The following TSPAN15 variants were observed in gnomAD, a reference collection of about 807,000 sequenced individuals.
The protein encoded by TSPAN15 is tetraspanin 15.
In TSPAN15, 20 loss-of-function variants were observed where a neutral mutation model predicts 34.5. The observed-to-expected ratio is 0.58, with a 90% confidence interval of 0.41 to 0.84. The LOEUF (loss-of-function observed/expected upper bound fraction) is 0.84. Among genes scored for constraint, TSPAN15 ranks in the 40% least tolerant of loss-of-function variants. The pLI, the probability that TSPAN15 is intolerant of heterozygous loss-of-function variation, is 0.00. For synonymous variants in TSPAN15, 155 were observed against 153.9 expected (o/e 1.01, Z -0.05); for missense variants, 313 against 386.1 (o/e 0.81, Z 1.59).
chr10:69,498,322 A>C lies in TSPAN15; in HGVS notation c.496A>C (p.Asn166His), dbSNP rs750163470. Residue 166 changes from asparagine to histidine, a missense_variant, in exon 5 of 8, where the codon AAT (asparagine) becomes CAT (histidine). By Grantham distance (68) the Asn-to-His change is moderately conservative (BLOSUM62 1). Transcript: ENST00000373290. Reference protein sequence around the residue: ...GGEDYRDWSKNQYHDCSAPGP... With the variant: ...GGEDYRDWSKHQYHDCSAPGP... ...GGAGGACTACCGAGATTGGAGCAAG[A>C]ATCAGTACCACGACTGCAGTGCCCC... The C allele has an allele frequency of 3.7e-6, 6 of 1,613,778 alleles. No homozygotes were observed. Among genetic ancestry groups the C allele is most frequent in the Non-Finnish European group, 5.1e-6 (6 of 1,179,960 alleles).
chr10:69,527,196 C>T, the TSPAN15 span, among the ~76,000 whole-genome samples: 3 of 148,008 alleles, frequency 2.0e-5, 1 homozygote, highest in Non-Finnish European at 4.5e-5. Flanking sequence ...ACCTTTAAAA[C>T]AGGGGTGTCC....
the TSPAN15 span, among the ~76,000 whole-genome samples, chr10:69,536,476 T>C: frequency 6.6e-6 from 1 of 152,322 alleles, no homozygotes; most frequent in East Asian, 1.9e-4. Context: ...GTGGGTGTAT[T>C]CGTCTGCTAG....
intron 3 of TSPAN15, chr10:69,494,645 G>C (rs772170882): frequency 3.2e-4 from 314 of 985,262 alleles, no homozygotes; most frequent in Non-Finnish European, 3.7e-4. Flanking sequence ...GCCCAGAGAG[G>C]AGAAGTAAGC....
chr10:69,494,837 C>T lies in TSPAN15; in HGVS notation c.358-757C>T, dbSNP rs982697199. On this transcript the variant is annotated intron_variant, in intron 3 of 7. Transcript: ENST00000373290. ...GATTGTTACAGTGAGCTGGGCTGCC[C>T]ACGCTCCTGCCCCCGCCCCTTCCCA... 38 of 985,494 alleles carry T rather than the reference C, an allele frequency of 3.9e-5. No homozygotes were observed. In the Admixed American group the frequency reaches 1.9e-3, roughly 49 times the overall value. 61.0% of individuals were successfully genotyped at this position (985,494 alleles called of 1,614,324 possible).
intron 3 of TSPAN15, among the ~76,000 whole-genome samples, chr10:69,487,090 G>A (rs559573615): frequency 5.9e-5 from 9 of 151,744 alleles, no homozygotes; most frequent in African/African-American, 1.4e-4. Context: ...CAGGGGCTAC[G>A]GGTTAGTGCT....
At chr10:69,498,491 T>C in intron 5 of TSPAN15, 95 bp downstream of exon 5, 3 of 981,574 alleles carry the variant, frequency 3.1e-6, no homozygotes, top group Non-Finnish European at 4.7e-6. Flanking sequence ...AGATGGGTGG[T>C]GTGGGTGGAT....
the TSPAN15 span, among the ~76,000 whole-genome samples, chr10:69,527,758 T>A: frequency 6.8e-6 from 1 of 147,534 alleles, no homozygotes. Flanking sequence ...ACTATGTGTT[T>A]AGATTCATAT....
At chr10:69,505,933 G>A in intron 6 of TSPAN15, 191 bp from the exon 7 acceptor site, 1 of 484,702 alleles carries the variant, frequency 2.1e-6, no homozygotes, top group Non-Finnish European at 3.6e-6. Context: ...GGTGTCCCCA[G>A]TCCTCTCTAG....
chr10:69,503,685 G>A (rs998630062), intron 5 of TSPAN15, among the ~76,000 whole-genome samples: 1 of 152,140 alleles, frequency 6.6e-6, no homozygotes, highest in African/African-American at 2.4e-5. Context: ...TACATGTAGA[G>A]CAGCGGGGCT....
At chr10:69,490,226 C>T (rs1841939585) in intron 3 of TSPAN15, among the ~76,000 whole-genome samples, 1 of 152,214 alleles carries the variant, frequency 6.6e-6, no homozygotes, top group Non-Finnish European at 1.5e-5. Context: ...AAGTAGGCAG[C>T]ACCATGGCTC....
the TSPAN15 span, among the ~76,000 whole-genome samples, chr10:69,533,873 G>A: frequency 2.6e-5 from 4 of 152,274 alleles, no homozygotes; most frequent in East Asian, 5.8e-4. Flanking sequence ...AATTGAATTA[G>A]TGGACACCCA....
At chr10:69,471,152 C>T (rs1841496496) in intron 1 of TSPAN15, among the ~76,000 whole-genome samples, 1 of 152,232 alleles carries the variant, frequency 6.6e-6, no homozygotes, top group Non-Finnish European at 1.5e-5. Context: ...AGAATGTGAG[C>T]TCCACCAAAG....
chr10:69,464,070 CAG>C (rs1841329434), intron 1 of TSPAN15, among the ~76,000 whole-genome samples: 1 of 152,174 alleles, frequency 6.6e-6, no homozygotes, highest in Non-Finnish European at 1.5e-5. Flanking sequence ...TGTGTGCAGA[CAG>C]GGGCAGACAA....
At chr10:69,521,447 C>T in the TSPAN15 span, among the ~76,000 whole-genome samples, 1 of 147,468 alleles carries the variant, frequency 6.8e-6, no homozygotes, top group Non-Finnish European at 1.5e-5. Flanking sequence ...GAGTTTGAGA[C>T]CAGCCTGGCC....
At chr10:69,496,716 C>G (rs950677967) in intron 4 of TSPAN15, among the ~76,000 whole-genome samples, 5 of 152,190 alleles carry the variant, frequency 3.3e-5, no homozygotes, top group Non-Finnish European at 7.3e-5. Context: ...GGGGACTAGC[C>G]TCTCCCCACA....
intron 1 of TSPAN15, among the ~76,000 whole-genome samples, chr10:69,468,115 C>T (rs372381867): frequency 5.9e-5 from 9 of 151,544 alleles, no homozygotes; most frequent in South Asian, 4.2e-4. Context: ...CTCCAGCCCC[C>T]GCCCCCCTCC....
At chr10:69,484,839 T>C (rs1841816181) in intron 2 of TSPAN15, among the ~76,000 whole-genome samples, 1 of 152,080 alleles carries the variant, frequency 6.6e-6, no homozygotes, top group Non-Finnish European at 1.5e-5. Context: ...CAGCTCTCCT[T>C]ATGGTGGTGG....
intron 5 of TSPAN15, among the ~76,000 whole-genome samples, chr10:69,500,308 G>C (rs1340218442): frequency 6.6e-6 from 1 of 152,164 alleles, no homozygotes; most frequent in African/African-American, 2.4e-5. Context: ...GAGGGGGCCA[G>C]GCCTTCACAC....
chr10:69,474,765 C>T (rs1323311481), intron 1 of TSPAN15, among the ~76,000 whole-genome samples: 1 of 152,296 alleles, frequency 6.6e-6, no homozygotes, highest in East Asian at 1.9e-4. Context: ...CCCAGAATTC[C>T]AGTCTCCTTT....
Sources: gnomAD v4.1 joint callset for allele counts (sites outside exome capture counted in the v4.1 genomes callset) on GRCh38, gnomAD v4.1.1 for gene constraint, MANE v1.5 for transcripts, NCBI Gene and HGNC (gene_info 2026-07-23, HGNC 2026-07-21) for gene names.